SOX6: variants seen among roughly 807,000 people sequenced by gnomAD.
SOX6 encodes SRY-box transcription factor 6.
In SOX6, 11 loss-of-function variants were observed where a neutral mutation model predicts 97.8. The observed-to-expected ratio is 0.11, with a 90% confidence interval of 0.07 to 0.19. The LOEUF (loss-of-function observed/expected upper bound fraction) is 0.19. Ranked by LOEUF, SOX6 falls within the 10% of genes least tolerant of loss-of-function variation. SOX6 has a pLI of 1.00. For missense variants in SOX6, 810 were observed against 1,039.5 expected (o/e 0.78, Z 3.04); for synonymous variants, 360 against 371.4 (o/e 0.97, Z 0.35).
intron 3 of SOX6, among the ~76,000 whole-genome samples, chr11:16,307,880 A>G (rs891324951): frequency 6.6e-6 from 1 of 152,130 alleles, no homozygotes; most frequent in African/African-American, 2.4e-5. Flanking sequence ...TTTGAGAGCA[A>G]TTAGGGGAAT....
At chr11:15,985,994 G>A (rs1275242787) in intron 15 of SOX6, among the ~76,000 whole-genome samples, 1 of 152,136 alleles carries the variant, frequency 6.6e-6, no homozygotes, top group African/African-American at 2.4e-5. Context: ...AGCTGGGAGT[G>A]AACTGTTCCA....
rs1333688473 is a variant in SOX6 at position 16,267,636 on chromosome 11, G to T, written c.446-32965C>A. The stretch of plus-strand genomic sequence containing the variant: ...TAGCCATTATGAAAAACTGTATGCA[G>T]GTTCCTGAAAAACCTAAAAATATAA... On this transcript the variant is annotated intron_variant, in intron 3 of 15. Coordinates refer to ENST00000683767, the MANE Select transcript of SOX6 (RefSeq NM_001367873.1). Among the ~76,000 whole-genome samples the T allele has an allele frequency of 2.6e-5, 4 of 151,588 alleles. No homozygotes were observed. The Admixed American group carries it at 2.6e-4, about 10-fold the overall frequency.
At chr11:16,158,440 T>C (rs1417386230) in intron 6 of SOX6, among the ~76,000 whole-genome samples, 1 of 152,062 alleles carries the variant, frequency 6.6e-6, no homozygotes, top group African/African-American at 2.4e-5. Context: ...ATAGATTTCT[T>C]TTCCCACATC....
At chr11:16,130,669 AAT>A (rs1849717830) in intron 6 of SOX6, among the ~76,000 whole-genome samples, 1 of 152,004 alleles carries the variant, frequency 6.6e-6, no homozygotes, top group Non-Finnish European at 1.5e-5. Flanking sequence ...TATGAAAAAA[AAT>A]AGTCAAAACA....
At chr11:16,214,595 A>T (rs1190772675) in intron 4 of SOX6, among the ~76,000 whole-genome samples, 1 of 151,950 alleles carries the variant, frequency 6.6e-6, no homozygotes, top group Admixed American at 6.6e-5. Flanking sequence ...GTCAGTGTTG[A>T]TTGTCTAAAC....
intron 4 of SOX6, among the ~76,000 whole-genome samples, chr11:16,538,572 G>C (rs979753143): frequency 3.3e-5 from 5 of 152,106 alleles, no homozygotes; most frequent in African/African-American, 4.8e-5. Context: ...CTGTATTCAG[G>C]AGACCCATCT....
At chr11:16,038,684 T>C (rs1855578835) in intron 12 of SOX6, among the ~76,000 whole-genome samples, 1 of 152,136 alleles carries the variant, frequency 6.6e-6, no homozygotes, top group Non-Finnish European at 1.5e-5. Flanking sequence ...ACATGTCTAA[T>C]ACTATGCTTT....
chr11:16,073,294 T>C (rs1029647759), intron 9 of SOX6, among the ~76,000 whole-genome samples: 5 of 151,442 alleles, frequency 3.3e-5, no homozygotes, highest in Admixed American at 6.6e-5. Context: ...GGGATTGCTA[T>C]GCTAATTTCA....
chr11:16,388,633 T>C (rs1391228294), intron 1 of SOX6, among the ~76,000 whole-genome samples: 1 of 152,140 alleles, frequency 6.6e-6, no homozygotes, highest in Non-Finnish European at 1.5e-5. Flanking sequence ...TTGTTTCATC[T>C]TAGTTGTATA....
At chr11:16,543,308 G>T (rs747036089) in intron 4 of SOX6, among the ~76,000 whole-genome samples, 1 of 151,780 alleles carries the variant, frequency 6.6e-6, no homozygotes, top group Non-Finnish European at 1.5e-5. Flanking sequence ...AAACTTTAAC[G>T]GTAATATCAC....
In SOX6 at chr11:16,484,966, A is replaced by T. The variant is rs1032166679; in HGVS notation, n.610-8578T>A. Reference sequence around the variant, plus strand: ...GTGGACCAGGAGTTTACATTTTTTTAAAATGTATACTATTCACACCCACTA... The same window carrying T: ...GTGGACCAGGAGTTTACATTTTTTTTAAATGTATACTATTCACACCCACTA... On this transcript the variant is annotated intron_variant and non_coding_transcript_variant, in intron 4 of 5. Transcript: ENST00000524520. Among the ~76,000 whole-genome samples the T allele has an allele frequency of 1.1e-4, 16 of 152,286 alleles. No individual in the cohort carries two copies. In the South Asian group the frequency reaches 1.2e-3, roughly 12 times the overall value.
intron 3 of SOX6, among the ~76,000 whole-genome samples, chr11:16,649,202 A>T (rs1849057070): frequency 6.6e-6 from 1 of 152,238 alleles, no homozygotes; most frequent in Non-Finnish European, 1.5e-5. Flanking sequence ...TATTTGAGGG[A>T]ATAATTGAGG....
intron 1 of SOX6, among the ~76,000 whole-genome samples, chr11:16,351,336 T>A (rs1382589327): frequency 1.3e-5 from 2 of 152,126 alleles, no homozygotes; most frequent in African/African-American, 2.4e-5. Context: ...TCAGCTATTC[T>A]TTAATGTTTC....
chr11:16,637,209 T>C (rs979796201), intron 3 of SOX6, among the ~76,000 whole-genome samples: 1 of 152,174 alleles, frequency 6.6e-6, no homozygotes, highest in African/African-American at 2.4e-5. Context: ...TATTCCAGCT[T>C]CTTCAGCCAA....
chr11:16,515,661 TA>T (rs1180850406), intron 4 of SOX6, among the ~76,000 whole-genome samples: 22 of 113,384 alleles, frequency 1.9e-4, no homozygotes, highest in South Asian at 3.6e-4. Context: ...GGTTTTCTTC[TA>T]GGGTTTTTAT....
At chr11:16,152,119 T>C (rs901030922) in intron 6 of SOX6, among the ~76,000 whole-genome samples, 5 of 152,202 alleles carry the variant, frequency 3.3e-5, no homozygotes, top group Admixed American at 1.3e-4. Context: ...GACAAAAACA[T>C]GTTCTTTCAC....
At chr11:16,469,517 C>T (rs1417065661) in intron 1 of SOX6, among the ~76,000 whole-genome samples, 1 of 152,072 alleles carries the variant, frequency 6.6e-6, no homozygotes, top group African/African-American at 2.4e-5. Context: ...AGACACATGG[C>T]TTAACATGAA....
rs1480131463 is a variant in SOX6 at position 16,051,139 on chromosome 11, T to C, written c.1252-1201A>G. 9.9e-5 allele frequency among the ~76,000 whole-genome samples: 15 copies of C among 151,398 alleles called. 2 individuals are homozygous for C. The Admixed American group carries it at 9.9e-4, about 10-fold the overall frequency. The stretch of plus-strand genomic sequence containing the variant: ...AGAAAGAGAGGCCAGAAAATACTAC[T>C]TGAGAAGGAGGATTAGAAAGAGAAA... On this transcript the variant is annotated intron_variant, in intron 10 of 15. Coordinates refer to ENST00000683767, the MANE Select transcript of SOX6 (RefSeq NM_001367873.1).
chr11:16,263,636 G>A (rs182079024), intron 3 of SOX6, among the ~76,000 whole-genome samples: 72 of 152,000 alleles, frequency 4.7e-4, no homozygotes, highest in Middle Eastern at 3.4e-3. Flanking sequence ...CAGAATTCCA[G>A]GTCTAAGTAA....
Sources: gnomAD v4.1 joint callset for allele counts (sites outside exome capture counted in the v4.1 genomes callset) on GRCh38, gnomAD v4.1.1 for gene constraint, MANE v1.5 for transcripts, NCBI Gene and HGNC (gene_info 2026-07-23, HGNC 2026-07-21) for gene names.